Variants in LAMA4 observed in about 807,000 individuals in gnomAD.
LAMA4 encodes the protein laminin subunit alpha-4.
LAMA4 carries 127 observed loss-of-function variants against 207.1 expected under a neutral mutation model. The observed-to-expected ratio is 0.61, with a 90% CI of 0.53 to 0.71. The LOEUF (loss-of-function observed/expected upper bound fraction) is 0.71. Among genes scored for constraint, LAMA4 ranks in the 30% least tolerant of loss-of-function variants. The probability of loss-of-function intolerance (pLI) is 0.00; values close to 1 mark genes in which losing one functional copy is unlikely to be tolerated. For synonymous variants in LAMA4, 761 were observed against 816.0 expected (o/e 0.93, Z 1.15); for missense variants, 2,093 against 2,246.5 (o/e 0.93, Z 1.38).
chr6:112,204,607 T>C (rs1783948481), intron 4 of LAMA4, among the ~76,000 whole-genome samples: 1 of 152,140 alleles, frequency 6.6e-6, no homozygotes, highest in South Asian at 2.1e-4. Context: ...TTTAACAATA[T>C]ATACCATGGC....
intron 17 of LAMA4, among the ~76,000 whole-genome samples, chr6:112,149,174 G>T (rs1403233288): frequency 1.3e-5 from 2 of 150,712 alleles, no homozygotes; most frequent in African/African-American, 4.9e-5. Flanking sequence ...TTAAAGTGAG[G>T]ATATATTTCA....
At chr6:112,176,688 T>C (rs984140649) in intron 10 of LAMA4, among the ~76,000 whole-genome samples, 6 of 152,216 alleles carry the variant, frequency 3.9e-5, no homozygotes, top group Non-Finnish European at 7.3e-5. Context: ...TTCTCTGGCA[T>C]TTTGGTGCAA....
intron 32 of LAMA4, 63 bp from the exon 33 acceptor site, chr6:112,120,535 C>A: frequency 7.9e-7 from 1 of 1,271,910 alleles, no homozygotes; most frequent in Non-Finnish European, 1.1e-6. Flanking sequence ...TCTCTAACTT[C>A]TTAAAATAAT....
Position 112,216,430 on chromosome 6 carries a change from A to T in LAMA4, c.235T>A (p.Cys79Ser). Residue 79 changes from cysteine to serine, a missense_variant, in exon 3 of 39, where the codon TGT becomes AGT. Cys to Ser is a moderately radical substitution (Grantham distance 112, BLOSUM62 -1). Transcript: ENST00000230538. ...AGFFHTLSGE[C>S]VPCDCNGNSN... ...TTGCCATTACAGTCGCAGGGCACAC[A>T]TTCTCCCGACAGGGTGTGAAAGAAT... The T allele has an allele frequency of 6.2e-7, 1 of 1,614,082 alleles. No homozygotes were observed. Among genetic ancestry groups the T allele is most frequent in the South Asian group, 1.1e-5 (1 of 91,082 alleles).
chr6:112,119,664 T>C (rs1778231639), intron 33 of LAMA4, among the ~76,000 whole-genome samples: 1 of 152,226 alleles, frequency 6.6e-6, no homozygotes, highest in Non-Finnish European at 1.5e-5. Context: ...GAGGAAGTGA[T>C]CTATGTATTT....
chr6:112,188,639 A>C (rs1458278496), intron 7 of LAMA4, among the ~76,000 whole-genome samples: 2 of 152,248 alleles, frequency 1.3e-5, no homozygotes, highest in African/African-American at 2.4e-5. Flanking sequence ...GATAAAAGGC[A>C]GTTCCATTTT....
At chr6:112,112,528 T>G (rs781906698) in intron 38 of LAMA4, among the ~76,000 whole-genome samples, 43 of 152,312 alleles carry the variant, frequency 2.8e-4, no homozygotes, top group Non-Finnish European at 4.9e-4. Context: ...TGCAGAAATA[T>G]GCACTCATGT....
chr6:112,158,513 A>G (rs782819969), intron 14 of LAMA4, among the ~76,000 whole-genome samples: 1 of 152,008 alleles, frequency 6.6e-6, no homozygotes, highest in Non-Finnish European at 1.5e-5. Flanking sequence ...AACAATTGCA[A>G]TGAACAATGA....
At chr6:112,245,593 T>C (rs1381902374) in intron 2 of LAMA4, among the ~76,000 whole-genome samples, 2 of 152,194 alleles carry the variant, frequency 1.3e-5, no homozygotes, top group Non-Finnish European at 2.9e-5. Flanking sequence ...AAAATAAATA[T>C]TAATATGCAA....
intron 2 of LAMA4, among the ~76,000 whole-genome samples, chr6:112,239,853 T>A (rs1786256463): frequency 6.6e-6 from 1 of 151,916 alleles, no homozygotes. Context: ...CACGAGGTCA[T>A]GAGATTGAGA....
intron 7 of LAMA4, 111 bp downstream of exon 7, chr6:112,188,999 G>T: frequency 1.3e-6 from 1 of 784,758 alleles, no homozygotes; most frequent in Non-Finnish European, 2.2e-6. Flanking sequence ...TTAAGTCCAG[G>T]GGTGGGACTC....
Position 112,201,663 on chromosome 6 carries a change from T to C in LAMA4, c.448A>G (p.Asn150Asp), listed in dbSNP as rs782307659. Residue 150 changes from asparagine (N) to aspartate (D), a missense_variant, in exon 5 of 39, where the codon AAT (asparagine) becomes GAT (aspartate). By Grantham distance (23) the Asn-to-Asp change is conservative. This residue lies in a region of LAMA4 where 1,704 missense variants were observed against 1,788.4 expected (regional missense o/e 0.95). Transcript: ENST00000230538. Reference sequence around the variant, plus strand: ...TTACAAATGCACCGAACAGCTCCATTTTTCCTATAGCAGGATTCTGCAAAA... The same window carrying C: ...TTACAAATGCACCGAACAGCTCCATCTTTCCTATAGCAGGATTCTGCAAAA... Reference protein sequence around the residue: ...ANFAESCYRKNGAVRCICNEN... With the variant: ...ANFAESCYRKDGAVRCICNEN... 1.9e-6 allele frequency: 3 copies of C among 1,613,940 alleles called. No homozygotes were observed. The highest frequency in any genetic ancestry group is 1.7e-4 in the Middle Eastern group (1 of 6,058).
chr6:112,217,270 G>C (rs1318719942), intron 2 of LAMA4, among the ~76,000 whole-genome samples: 5 of 152,072 alleles, frequency 3.3e-5, no homozygotes, highest in African/African-American at 1.2e-4. Context: ...GATTGTTCCT[G>C]GTTTATGTGA....
chr6:112,194,194 C>A (rs1456752499), intron 5 of LAMA4, among the ~76,000 whole-genome samples: 7 of 152,184 alleles, frequency 4.6e-5, no homozygotes, highest in African/African-American at 1.7e-4. Context: ...GTTCACCAAA[C>A]AGAGAATATT....
intron 14 of LAMA4, among the ~76,000 whole-genome samples, chr6:112,156,555 C>A (rs756430913): frequency 6.6e-6 from 1 of 152,206 alleles, no homozygotes; most frequent in Admixed American, 6.5e-5. Context: ...ACCTCCACTT[C>A]CGCAGTTCGT....
At chr6:112,152,482 T>C (rs1554335956) in intron 16 of LAMA4, among the ~76,000 whole-genome samples, 1 of 152,110 alleles carries the variant, frequency 6.6e-6, no homozygotes, top group Admixed American at 6.5e-5. Context: ...AATTACCTCA[T>C]CATCTGAACT....
chr6:112,134,361 G>A, intron 26 of LAMA4, 106 bp downstream of exon 26: 1 of 1,130,804 alleles, frequency 8.8e-7, no homozygotes, highest in Non-Finnish European at 1.3e-6. Context: ...GTCCCTGTGT[G>A]TAAAAGTAGC....
intron 2 of LAMA4, among the ~76,000 whole-genome samples, chr6:112,222,025 C>T (rs1214344083): frequency 6.6e-6 from 1 of 152,104 alleles, no homozygotes; most frequent in Non-Finnish European, 1.5e-5. Flanking sequence ...CTTTTGGCTC[C>T]ATATGTTTTT....
intron 38 of LAMA4, 112 bp from the exon 39 acceptor site, chr6:112,109,694 T>C: frequency 9.2e-7 from 1 of 1,092,678 alleles, no homozygotes; most frequent in Non-Finnish European, 1.3e-6. Context: ...ATGATTTACA[T>C]TTCAAAAATA....
Sources: gnomAD v4.1 joint callset for allele counts (sites outside exome capture counted in the v4.1 genomes callset) on GRCh38, gnomAD v4.1.1 for gene constraint, gnomAD v4.1.1 regional missense constraint, MANE v1.5 for transcripts, NCBI Gene and HGNC (gene_info 2026-07-23, HGNC 2026-07-21) for gene names.